DMXL1: variants seen among roughly 807,000 people sequenced by gnomAD.
DMXL1 encodes the protein Dmx like 1, also known as dmX-like protein 1.
In DMXL1, 99 loss-of-function variants were observed where a neutral mutation model predicts 319.2. That is an observed-to-expected ratio of 0.31 (90% confidence interval 0.26 to 0.37). DMXL1 has a LOEUF of 0.37. DMXL1 is among the 10% of genes least tolerant of loss of function. The probability of loss-of-function intolerance (pLI) is 1.00; values close to 1 mark genes in which losing one functional copy is unlikely to be tolerated. For synonymous variants in DMXL1, 1,385 were observed against 1,235.2 expected, an observed-to-expected ratio of 1.12 and a Z score of -2.54; for missense variants, 3,745 against 3,595.6, an observed-to-expected ratio of 1.04 and a Z score of -1.06.
chr5:119,203,538 A>G, intron 33 of DMXL1, 102 bp downstream of exon 33: 1 of 581,708 alleles, frequency 1.7e-6, no homozygotes, highest in Non-Finnish European at 2.8e-6. Flanking sequence ...TTTTGAAAAC[A>G]CGTATCATAA....
chr5:119,128,380 C>T (rs6880622), intron 9 of DMXL1: 133,123 of 240,554 alleles, frequency 0.55, 38,522 homozygotes, highest in East Asian at 0.97. Flanking sequence ...AGGGTTCTTC[C>T]GTTGAGCTAC....
intron 28 of DMXL1, 27 bp from the exon 29 acceptor site, chr5:119,189,681 A>G (rs1392915582): frequency 6.2e-7 from 1 of 1,605,116 alleles, no homozygotes; most frequent in Non-Finnish European, 8.5e-7. Flanking sequence ...ATAGTACTTC[A>G]GTAACATTTT....
chr5:119,163,777 G>A (rs952797774), intron 19 of DMXL1, among the ~76,000 whole-genome samples: 17 of 152,058 alleles, frequency 1.1e-4, no homozygotes, highest in Non-Finnish European at 2.1e-4. Flanking sequence ...GGGTTTCACC[G>A]TGTTAGCCAG....
Position 119,133,532 on chromosome 5 carries a change from A to C in DMXL1, c.1608A>C (p.Thr536=), listed in dbSNP as rs769638271. The change falls in exon 12 of 44, where the codon ACA becomes ACC. Residue 536 remains threonine (T), a synonymous_variant. Coordinates refer to ENST00000539542, the MANE Select transcript of DMXL1 (RefSeq NM_001290321.3). Reference sequence around the variant, plus strand: ...CCAGAATTCCAGTAGCTTTCCCCACAGGTGATGCAAACTCTCTCTGTAAAA... The same window carrying C: ...CCAGAATTCCAGTAGCTTTCCCCACCGGTGATGCAAACTCTCTCTGTAAAA... ...FVSRIPVAFP[T]GDANSLCKSI... is the part of the protein sequence containing the mutation. The C allele has an allele frequency of 6.2e-7, 1 of 1,612,420 alleles. No homozygotes were observed. The highest frequency in any genetic ancestry group is 2.2e-5 in the East Asian group (1 of 44,880).
In DMXL1 at chr5:119,244,491, A is replaced by G. The variant is rs1789385344; in HGVS notation, c.8837A>G (p.Gln2946Arg). The part of the protein sequence containing the change: ...LCQRQQRQLF[Q>R]SHDSPVKAVA... ...CAACGACAACAGAGGCAGCTTTTCC[A>G]GAGCCATGATTCTCCTGTTAAAGCC... The change falls in exon 43 of 44, where the codon CAG becomes CGG. Residue 2946 changes from glutamine to arginine, a missense_variant. Transcript: ENST00000539542. The G allele has an allele frequency of 1.2e-6, 2 of 1,614,092 alleles. No homozygotes were observed. Among genetic ancestry groups the G allele is most frequent in the Admixed American group, 1.7e-5 (1 of 60,012 alleles).
intron 41 of DMXL1, among the ~76,000 whole-genome samples, chr5:119,239,785 A>G (rs1209400529): frequency 1.3e-5 from 2 of 151,676 alleles, no homozygotes; most frequent in Admixed American, 6.6e-5. Context: ...GTGAAACCCT[A>G]TCTCTACTAA....
chr5:119,148,344 A>T (rs995543398), intron 17 of DMXL1, among the ~76,000 whole-genome samples: 1 of 152,198 alleles, frequency 6.6e-6, no homozygotes, highest in African/African-American at 2.4e-5. Context: ...AATGTATAAA[A>T]CTAGCAAAGA....
rs750497990 is a variant in DMXL1 at position 119,177,502 on chromosome 5, A to G, written c.6886+18A>G. On this transcript the variant is annotated intron_variant, in intron 27 of 43. Transcript: ENST00000539542. Reference sequence around the variant, plus strand: ...ATGGCCAGGTATAATTTTTATGTATAGATCAGTTTTTTCTTAGTCTTATTT... The same window carrying G: ...ATGGCCAGGTATAATTTTTATGTATGGATCAGTTTTTTCTTAGTCTTATTT... 2 of 1,575,782 alleles carry G rather than the reference A, an allele frequency of 1.3e-6. No individual in the cohort carries two copies. The highest frequency in any genetic ancestry group is 1.7e-6 in the Non-Finnish European group (2 of 1,164,964).
chr5:119,120,632 T>C (rs1313841619), intron 8 of DMXL1, among the ~76,000 whole-genome samples: 6 of 152,230 alleles, frequency 3.9e-5, no homozygotes, highest in Admixed American at 2.0e-4. Context: ...TGTAGAGATA[T>C]CAGTCACAAA....
At chr5:119,228,239 T>C (rs1023145422) in intron 38 of DMXL1, among the ~76,000 whole-genome samples, 1 of 152,200 alleles carries the variant, frequency 6.6e-6, no homozygotes. Context: ...TTCAGAGTCT[T>C]TTCTATGAAT....
At chr5:119,199,956 G>C (rs1040742357) in intron 32 of DMXL1, among the ~76,000 whole-genome samples, 1 of 151,994 alleles carries the variant, frequency 6.6e-6, no homozygotes, top group Non-Finnish European at 1.5e-5. Flanking sequence ...GTTGAAGTTC[G>C]TTATAGATGC....
intron 14 of DMXL1, 73 bp from the exon 15 acceptor site, chr5:119,144,463 T>A: frequency 9.2e-7 from 1 of 1,090,432 alleles, no homozygotes; most frequent in Non-Finnish European, 1.4e-6. Flanking sequence ...TTATGAAGTA[T>A]TATTTTTCTG....
At chr5:119,230,750 C>T (rs1449997134) in intron 38 of DMXL1, among the ~76,000 whole-genome samples, 2 of 152,226 alleles carry the variant, frequency 1.3e-5, no homozygotes, top group East Asian at 3.9e-4. Context: ...GGCGTGGTGG[C>T]ACACGCCTGT....
chr5:119,204,936 A>G lies in DMXL1; in HGVS notation c.7863+1500A>G, dbSNP rs149008102. Among the ~76,000 whole-genome samples, 967 of 152,318 alleles carry G rather than the reference A, an allele frequency of 6.3e-3. 5 individuals carry two copies. Among genetic ancestry groups the G allele is most frequent in the Middle Eastern group, 0.02 (6 of 294 alleles). ...TCTACCTTAAAGGAAAATTACATAT[A>G]TATCTCATTGTCTCTCAATTTAAGC... On this transcript the variant is annotated intron_variant, in intron 33 of 43. Transcript: ENST00000539542.
At chr5:119,199,269 G>T (rs1175009316) in intron 32 of DMXL1, among the ~76,000 whole-genome samples, 1 of 152,120 alleles carries the variant, frequency 6.6e-6, no homozygotes, top group South Asian at 2.1e-4. Context: ...TCCCTTCTTT[G>T]TGTTCATGAG....
At chr5:119,131,304 A>G (rs1392920792) in intron 10 of DMXL1, among the ~76,000 whole-genome samples, 1 of 152,104 alleles carries the variant, frequency 6.6e-6, no homozygotes, top group Non-Finnish European at 1.5e-5. Context: ...GGGATTTTTG[A>G]AAGAGGAAAG....
At chr5:119,215,581 C>T (rs951364975) in intron 34 of DMXL1, among the ~76,000 whole-genome samples, 8 of 152,034 alleles carry the variant, frequency 5.3e-5, no homozygotes, top group Admixed American at 4.6e-4. Context: ...ATCCACTCAC[C>T]TCAGCCTCTC....
intron 42 of DMXL1, 89 bp downstream of exon 42, chr5:119,240,560 C>T (rs1231428275): frequency 1.1e-5 from 11 of 963,796 alleles, no homozygotes; most frequent in Non-Finnish European, 1.8e-5. Context: ...ACTGATGACA[C>T]ATATATTTAT....
chr5:119,085,689 T>A (rs1753205947), intron 1 of DMXL1, among the ~76,000 whole-genome samples: 1 of 152,176 alleles, frequency 6.6e-6, no homozygotes, highest in Admixed American at 6.5e-5. Flanking sequence ...TTTTTTTCTC[T>A]TGCTTAACTG....
Sources: gnomAD v4.1 joint callset for allele counts (sites outside exome capture counted in the v4.1 genomes callset) on GRCh38, gnomAD v4.1.1 for gene constraint, MANE v1.5 for transcripts, NCBI Gene and HGNC (gene_info 2026-07-23, HGNC 2026-07-21) for gene names.